The following UBR4 variants were observed in gnomAD, a reference collection of about 807,000 sequenced individuals.
The protein encoded by UBR4 is E3 ubiquitin-protein ligase UBR4.
A neutral mutation model predicts 575.6 loss-of-function variants in UBR4; 124 were observed. The observed-to-expected ratio is 0.22, with a 90% CI of 0.19 to 0.25. The LOEUF (loss-of-function observed/expected upper bound fraction) is 0.25. Ranked by LOEUF, UBR4 falls within the 10% of genes least tolerant of loss-of-function variation. The pLI is 1.00. For missense variants in UBR4, 4,818 were observed against 6,478.8 expected, an observed-to-expected ratio of 0.74 and a Z score of 8.80; for synonymous variants, 2,455 against 2,473.7, an observed-to-expected ratio of 0.99 and a Z score of 0.22.
intron 52 of UBR4, chr1:19,146,276 T>C: frequency 2.2e-6 from 1 of 444,594 alleles, no homozygotes; most frequent in Non-Finnish European, 3.9e-6. Context: ...TCTGGGATTG[T>C]AGTATTAAAA....
chr1:19,112,206 C>T (rs2079968450), intron 78 of UBR4: 2 of 312,244 alleles, frequency 6.4e-6, no homozygotes, highest in Non-Finnish European at 1.2e-5. Context: ...TGCTCTGCTT[C>T]TTTCATGTGA....
chr1:19,184,909 C>T (rs1359313772), intron 15 of UBR4, among the ~76,000 whole-genome samples, 190 bp downstream of exon 15: 5 of 152,130 alleles, frequency 3.3e-5, no homozygotes, highest in Admixed American at 1.3e-4. Context: ...TTCTAAAGGC[C>T]AGCAGAGAAA....
At chr1:19,193,347 T>C in intron 9 of UBR4, 86 bp downstream of exon 9, 1 of 1,545,838 alleles carries the variant, frequency 6.5e-7, no homozygotes, top group Non-Finnish European at 8.8e-7. Flanking sequence ...TCTAAGTTCT[T>C]TCTTCTATCA....
intron 51 of UBR4, among the ~76,000 whole-genome samples, chr1:19,147,585 A>G (rs763407791): frequency 2.6e-5 from 4 of 152,268 alleles, no homozygotes; most frequent in Non-Finnish European, 5.9e-5. Context: ...CACTCCAAGA[A>G]CTATTCAACA....
intron 87 of UBR4, among the ~76,000 whole-genome samples, chr1:19,102,133 G>A (rs566767068): frequency 1.3e-5 from 2 of 152,306 alleles, no homozygotes; most frequent in South Asian, 4.1e-4. Flanking sequence ...TAAAAAATAA[G>A]GTCTTGTGAG....
At chr1:19,121,562 G>T in intron 67 of UBR4, 128 bp from the exon 68 acceptor site, 1 of 1,210,612 alleles carries the variant, frequency 8.3e-7, no homozygotes, top group Non-Finnish European at 1.1e-6. Flanking sequence ...TGTTCTCTCT[G>T]CTGGACATTG....
At position 19,096,514 on chromosome 1, in the gene UBR4, C is replaced by T; in HGVS notation, c.13518+9G>A. The T allele has an allele frequency of 1.2e-6, 2 of 1,611,882 alleles. No homozygotes were observed. The highest frequency in any genetic ancestry group is 1.7e-6 in the Non-Finnish European group (2 of 1,179,014). ...GGCTGGCCCCCACAACTTGCTGCCC[C>T]CAACTCACTGTTAGAAGGTGGCGTC... On this transcript the variant is annotated intron_variant, in intron 92 of 105. Transcript: ENST00000375254.
At chr1:19,141,605 T>G (rs1347768175) in intron 56 of UBR4, 42 bp downstream of exon 56, 16 of 1,609,392 alleles carry the variant, frequency 9.9e-6, no homozygotes, top group Non-Finnish European at 1.4e-5. Flanking sequence ...AGAGGAGAGT[T>G]GTGAAGCTCC....
chr1:19,097,445 G>A (rs1199992775), intron 90 of UBR4, among the ~76,000 whole-genome samples, 165 bp from the exon 91 acceptor site: 1 of 152,150 alleles, frequency 6.6e-6, no homozygotes, highest in Non-Finnish European at 1.5e-5. Context: ...AATTCACTTA[G>A]GGGAAAGAAT....
In UBR4 at chr1:19,169,655, A is replaced by G. The variant is rs2089186044; in HGVS notation, c.3644-123T>C. On this transcript the variant is annotated intron_variant, in intron 26 of 105. Coordinates refer to ENST00000375254, the MANE Select transcript of UBR4 (RefSeq NM_020765.3). ...GCCCAGGCTGTCAAAATAATTAGTAAGATAGCTTAGATAGATATTTCAATA... is the reference window on the plus strand; with the variant it reads ...GCCCAGGCTGTCAAAATAATTAGTAGGATAGCTTAGATAGATATTTCAATA... The G allele has an allele frequency of 4.7e-6, 3 of 644,800 alleles. No homozygotes were observed. In the South Asian group the frequency reaches 7.1e-5, roughly 15 times the overall value. 39.9% of individuals were successfully genotyped at this position (644,800 alleles called of 1,614,324 possible). A position where few individuals can be genotyped will look rare whatever the true frequency, so the allele number is the denominator to read the frequency against.
At chr1:19,083,611 T>A (rs2076735001) in intron 102 of UBR4, among the ~76,000 whole-genome samples, 1 of 152,242 alleles carries the variant, frequency 6.6e-6, no homozygotes, top group South Asian at 2.1e-4. Flanking sequence ...CACGACTCAC[T>A]GCAGCCTCAA....
In UBR4 at chr1:19,157,477, C is replaced by T. The variant is rs1319192719; in HGVS notation, c.5760+338G>A. Among the ~76,000 whole-genome samples, 1 of 152,218 alleles carries T rather than the reference C, an allele frequency of 6.6e-6. No individual in the cohort carries two copies. The highest frequency in any genetic ancestry group is 2.4e-5 in the African/African-American group (1 of 41,466). ...TCCTATGAAAACTTTTGTCTCTCAG[C>T]TTATGCCCGCCAGAGTGACCAAACA... On this transcript the variant is annotated intron_variant, in intron 40 of 105. Transcript: ENST00000375254. This position sits in a 1 kb window ranked among gnomAD's most constrained non-coding sequence, Gnocchi z 4.4.
intron 48 of UBR4, chr1:19,150,998 G>C: frequency 1.7e-6 from 1 of 603,660 alleles, no homozygotes; most frequent in Non-Finnish European, 2.9e-6. Flanking sequence ...ACCAAAAGCC[G>C]ATTACGTCTC....
chr1:19,118,899 G>T lies in UBR4; in HGVS notation c.10514C>A (p.Thr3505Asn), dbSNP rs762918041. Residue 3505 changes from threonine to asparagine, a missense_variant, in exon 71 of 106, where the codon ACC becomes AAC. Thr to Asn is a moderately conservative substitution (Grantham distance 65). Transcript: ENST00000375254. Reference protein sequence around the residue: ...EILRTQNHILTNHPNSNIYNT... With the variant: ...EILRTQNHILNNHPNSNIYNT... ...ATAAATGTTCGAGTTGGGGTGGTTG[G>T]TAAGAATATGGTTTTGAGTCCGCAG... The T allele has an allele frequency of 5.6e-6, 9 of 1,614,056 alleles. No individual in the cohort carries two copies. Among genetic ancestry groups the T allele is most frequent in the Non-Finnish European group, 7.6e-6 (9 of 1,180,036 alleles).
At position 19,151,857 on chromosome 1, in the gene UBR4, G is replaced by A. The variant is rs144919897; in HGVS notation, c.6999C>T (p.Pro2333=). The A allele has an allele frequency of 6.5e-4, 1,024 of 1,582,620 alleles. 4 individuals are homozygous for A. The African/African-American group carries it at 0.012, about 18-fold the overall frequency. The change falls in exon 48 of 106, where the codon CCC becomes CCT. Residue 2333 remains proline, a splice_region_variant and synonymous_variant. Coordinates refer to ENST00000375254, the MANE Select transcript of UBR4 (RefSeq NM_020765.3). ...TACTAATCTCAATGGTGAAGCCTCC[G>A]GGCTGTAGGGAGACAAGGCACACAT... ...STGMYVANTK[P]GGFTIEISNN... is the part of the protein sequence containing the mutation.
chr1:19,155,501 A>G lies in UBR4; in HGVS notation c.6240T>C (p.Ser2080=), dbSNP rs1301380358. Residue 2080 remains serine (S), a synonymous_variant, in exon 43 of 106, where the codon AGT becomes AGC. Transcript: ENST00000375254. ...TGACATAGAAGGGTCCCTGCTGGGC[A>G]CTGCTGGCCTCTTCCATAAGCTGAG... is the stretch of plus-strand genomic sequence containing the variant. ...IYTQLMEEAS[S]AQQGPFYVTN... The G allele has an allele frequency of 6.2e-7, 1 of 1,614,194 alleles. No individual in the cohort carries two copies. The highest frequency in any genetic ancestry group is 8.5e-7 in the Non-Finnish European group (1 of 1,180,024).
intron 23 of UBR4, 60 bp downstream of exon 23, chr1:19,173,379 G>T (rs952789): frequency 0.1 from 166,218 of 1,610,920 alleles, 9,680 homozygotes; most frequent in Non-Finnish European, 0.12. Flanking sequence ...AAATTTAAAA[G>T]CTCCAGTAAG....
intron 58 of UBR4, among the ~76,000 whole-genome samples, chr1:19,140,058 C>A (rs1457047521): frequency 1.3e-5 from 2 of 152,124 alleles, no homozygotes; most frequent in African/African-American, 4.8e-5. Context: ...GCCAGCCGCT[C>A]TCTCCCTTTC....
chr1:19,186,460 G>A (rs2091535099), intron 14 of UBR4, 80 bp downstream of exon 14: 4 of 1,289,988 alleles, frequency 3.1e-6, no homozygotes, highest in Non-Finnish European at 4.3e-6. Flanking sequence ...GTTTGGTCAG[G>A]AAACTACAGG....
Sources: allele counts gnomAD v4.1 joint callset (sites outside exome capture counted in the v4.1 genomes callset), GRCh38; gene constraint gnomAD v4.1.1; non-coding constraint Gnocchi (gnomAD v3.1); transcripts MANE v1.5; gene names NCBI Gene and HGNC (gene_info 2026-07-23, HGNC 2026-07-21).